Variants in WWOX observed in about 807,000 individuals in gnomAD.
The protein encoded by WWOX is WW domain-containing oxidoreductase.
A neutral mutation model predicts 46.2 loss-of-function variants in WWOX; 69 were observed. The observed-to-expected ratio is 1.49, with a 90% CI of 1.23 to 1.82. The LOEUF (loss-of-function observed/expected upper bound fraction) is 1.82. Among genes scored for constraint, WWOX ranks in the 40% most tolerant of loss-of-function variants. The probability of loss-of-function intolerance (pLI) is 0.00; values close to 1 mark genes in which losing one functional copy is unlikely to be tolerated. For synonymous variants in WWOX, 359 were observed against 202.6 expected (o/e 1.77, Z -6.56); for missense variants, 919 against 542.6 (o/e 1.69, Z -6.89).
At chr16:78,529,002 G>A (rs563818588) in intron 8 of WWOX, among the ~76,000 whole-genome samples, 8 of 148,852 alleles carry the variant, frequency 5.4e-5, no homozygotes, top group Middle Eastern at 3.4e-3. Flanking sequence ...TGCCCAGGCC[G>A]GAGTACAGTG....
At chr16:78,268,483 C>T (rs2079411874) in intron 5 of WWOX, among the ~76,000 whole-genome samples, 1 of 152,150 alleles carries the variant, frequency 6.6e-6, no homozygotes, top group Non-Finnish European at 1.5e-5. Context: ...TTTGCTGTAG[C>T]TCTTACAATT....
At chr16:78,413,801 T>C (rs2082735875) in intron 6 of WWOX, among the ~76,000 whole-genome samples, 2 of 152,000 alleles carry the variant, frequency 1.3e-5, no homozygotes. Context: ...GGTTGGCAGG[T>C]CTGCATGGGG....
intron 8 of WWOX, among the ~76,000 whole-genome samples, chr16:78,691,953 G>C (rs1039391297): frequency 1.3e-5 from 2 of 152,180 alleles, no homozygotes; most frequent in Non-Finnish European, 2.9e-5. Context: ...TAAGTCTCAT[G>C]AGATCTGATG....
intron 5 of WWOX, among the ~76,000 whole-genome samples, chr16:78,223,329 G>C (rs1342624336): frequency 1.3e-5 from 2 of 152,150 alleles, no homozygotes; most frequent in Admixed American, 6.5e-5. Context: ...TCCTACAACA[G>C]AGAATTGTCT....
chr16:79,093,689 C>T (rs1422368205), intron 8 of WWOX, among the ~76,000 whole-genome samples: 2 of 152,296 alleles, frequency 1.3e-5, no homozygotes, highest in African/African-American at 4.8e-5. Context: ...ACAGGCAGTG[C>T]TTCAGCCTTT....
intron 5 of WWOX, among the ~76,000 whole-genome samples, chr16:78,337,462 T>C (rs2080919034): frequency 6.6e-6 from 1 of 152,168 alleles, no homozygotes. Flanking sequence ...TTTGCTACAA[T>C]TAATAAACCA....
chr16:78,365,796 C>A (rs2081523954), intron 5 of WWOX, among the ~76,000 whole-genome samples: 1 of 152,042 alleles, frequency 6.6e-6, no homozygotes, highest in South Asian at 2.1e-4. Context: ...TCTATGGCTC[C>A]CCCCACCAAA....
chr16:78,862,928 A>G (rs1175838020), intron 8 of WWOX, among the ~76,000 whole-genome samples: 1 of 151,684 alleles, frequency 6.6e-6, no homozygotes, highest in Non-Finnish European at 1.5e-5. Flanking sequence ...AAGTGGACAC[A>G]TACAATTAGA....
chr16:79,162,822 C>A (rs1005986890), intron 8 of WWOX, among the ~76,000 whole-genome samples: 4 of 152,092 alleles, frequency 2.6e-5, no homozygotes, highest in Admixed American at 6.5e-5. Context: ...GAGGTCCTTC[C>A]CCAACCTTCT....
intron 5 of WWOX, among the ~76,000 whole-genome samples, chr16:78,327,154 A>T (rs148985574): frequency 1.3e-5 from 2 of 152,182 alleles, no homozygotes; most frequent in Non-Finnish European, 2.9e-5. Flanking sequence ...AAGGCCATCC[A>T]AGCCCAGAGT....
chr16:78,752,004 TA>T (rs559694528), intron 8 of WWOX, among the ~76,000 whole-genome samples: 647 of 60,304 alleles, frequency 0.011, 4 homozygotes, highest in African/African-American at 0.039. Flanking sequence ...CATTTTTCTT[TA>T]AATAAGGAGG....
chr16:78,858,805 A>G (rs1429305700), intron 8 of WWOX, among the ~76,000 whole-genome samples: 2 of 151,302 alleles, frequency 1.3e-5, no homozygotes, highest in African/African-American at 2.4e-5. Context: ...CAGCCTCCTC[A>G]GTTGCTGGGA....
chr16:78,647,142 G>A (rs1026852910), intron 8 of WWOX, among the ~76,000 whole-genome samples: 3 of 152,142 alleles, frequency 2.0e-5, no homozygotes. Flanking sequence ...CACCATCCTG[G>A]GTCTAGCTGG....
chr16:78,977,261 T>C (rs746477368), intron 8 of WWOX, among the ~76,000 whole-genome samples: 25 of 152,200 alleles, frequency 1.6e-4, no homozygotes, highest in Non-Finnish European at 1.5e-5. Context: ...CTGATGGTGT[T>C]TGTCAGAGAG....
At chr16:78,290,974 C>T (rs1000953603) in intron 5 of WWOX, among the ~76,000 whole-genome samples, 17 of 152,096 alleles carry the variant, frequency 1.1e-4, no homozygotes, top group Admixed American at 7.9e-4. Flanking sequence ...AGTTTCTTAA[C>T]CCTTTAAGAA....
intron 8 of WWOX, among the ~76,000 whole-genome samples, chr16:79,043,238 G>T (rs1382675802): frequency 6.6e-6 from 1 of 152,058 alleles, no homozygotes; most frequent in Non-Finnish European, 1.5e-5. Flanking sequence ...TTCCTGTGAG[G>T]GTGCCAGGAA....
intron 7 of WWOX, among the ~76,000 whole-genome samples, chr16:78,428,773 T>G (rs951506802): frequency 1.3e-5 from 2 of 152,212 alleles, no homozygotes; most frequent in African/African-American, 4.8e-5. Flanking sequence ...CTCAGGAAGC[T>G]GAGGCAGGAG....
Position 79,031,887 on chromosome 16 carries a change from T to TATATATA in WWOX, c.1057-179721_1057-179720insATATATA. Among the ~76,000 whole-genome samples, 3 of 51,890 alleles carry TATATATA rather than the reference T, an allele frequency of 5.8e-5. No individual in the cohort carries two copies. In the Middle Eastern group the frequency reaches 0.027, roughly 472 times the overall value. The allele number at this position is 51,890 out of a possible 152,430, so 34.0% of individuals were successfully genotyped here. On this transcript the variant is annotated intron_variant, in intron 8 of 8. Transcript: ENST00000566780. ...AGATAGATATCTATATACAGATATCTGTATACAGATATCTATATATATAGA... is the reference window on the plus strand; with the variant it reads ...AGATAGATATCTATATACAGATATCTATATATAGTATACAGATATCTATATATATAGA...
intron 8 of WWOX, among the ~76,000 whole-genome samples, chr16:79,118,865 A>G (rs1053222455): frequency 1.3e-5 from 2 of 152,186 alleles, no homozygotes; most frequent in African/African-American, 2.4e-5. Flanking sequence ...TGCAATTCTT[A>G]GTGGTTGTGA....
Sources: gnomAD v4.1 joint callset for allele counts (sites outside exome capture counted in the v4.1 genomes callset) on GRCh38, gnomAD v4.1.1 for gene constraint, MANE v1.5 for transcripts, NCBI Gene and HGNC (gene_info 2026-07-23, HGNC 2026-07-21) for gene names.